The following DCC variants were observed in gnomAD, a reference collection of about 807,000 sequenced individuals.
DCC encodes the protein netrin receptor DCC.
In DCC, 58 loss-of-function variants were observed where a neutral mutation model predicts 172.5. The observed-to-expected ratio is 0.34, with a 90% CI of 0.27 to 0.42. The LOEUF is 0.42. DCC is among the 10% of genes least tolerant of loss of function. DCC has a pLI of 1.00. For synonymous variants in DCC, 709 were observed against 644.5 expected (o/e 1.10, Z -1.52); for missense variants, 1,740 against 1,791.0 (o/e 0.97, Z 0.51).
chr18:52,917,134 A>C (rs1409318417), intron 3 of DCC, among the ~76,000 whole-genome samples: 1 of 145,550 alleles, frequency 6.9e-6, no homozygotes. Flanking sequence ...AAAAAAAAGA[A>C]AACAAAAAAA....
In DCC at chr18:53,305,721, T is replaced by A; in HGVS notation, c.2053+2T>A. On this transcript the variant is annotated splice_donor_variant, in intron 13 of 28. Transcript: ENST00000442544. LOFTEE classifies it high-confidence loss of function. ...ACAACCTCTGGTACCTATTCACAGG[T>A]CAGTGTTCACATGGTGTAGTCTTGC... 1 of 1,613,888 alleles carries A rather than the reference T, an allele frequency of 6.2e-7. No individual in the cohort carries two copies.
chr18:52,736,895 A>C (rs1298732568), intron 1 of DCC, among the ~76,000 whole-genome samples: 1 of 152,086 alleles, frequency 6.6e-6, no homozygotes, highest in East Asian at 1.9e-4. Flanking sequence ...ATTATGGGGG[A>C]ACCCACATTT....
At chr18:53,312,879 AGGAAGGGAAAGGGAGGGGAGAGGAG>A (rs1282664060) in intron 13 of DCC, among the ~76,000 whole-genome samples, 88 of 116,868 alleles carry the variant, frequency 7.5e-4, no homozygotes, top group Non-Finnish European at 1.3e-3. Context: ...AAAGAGAGAG[AGGAAGGGAAAGGGAGGGGAGAGGAG>A]GGAAGGGAAA....
intron 27 of DCC, among the ~76,000 whole-genome samples, chr18:53,524,831 T>C (rs943220616): frequency 6.6e-6 from 1 of 152,052 alleles, no homozygotes; most frequent in Non-Finnish European, 1.5e-5. Flanking sequence ...GCAAAATTCT[T>C]ACACCGCCTG....
intron 1 of DCC, among the ~76,000 whole-genome samples, chr18:52,547,187 GCAGGCA>G (rs1272901867): frequency 6.6e-6 from 1 of 152,144 alleles, no homozygotes; most frequent in African/African-American, 2.4e-5. Context: ...ACATCCAATT[GCAGGCA>G]CAAACTGATA....
At chr18:52,829,064 AT>A (rs1377824103) in intron 2 of DCC, among the ~76,000 whole-genome samples, 3 of 152,226 alleles carry the variant, frequency 2.0e-5, no homozygotes, top group African/African-American at 7.2e-5. Flanking sequence ...GCTAGCTGTT[AT>A]GCTGTTAATT....
chr18:53,391,053 G>A (rs374899801), intron 16 of DCC, among the ~76,000 whole-genome samples: 2 of 152,152 alleles, frequency 1.3e-5, no homozygotes, highest in African/African-American at 4.8e-5. Context: ...CTCTGGTTTT[G>A]TGCAATCACA....
rs570397432 is a variant in DCC, at chr18:53,521,530, G to A, written c.4112-5087G>A. ...ACAAAAAAATTGTGATGAAGTACAT[G>A]TTATGGAATTATATACAGCAGTCTG... is the stretch of plus-strand genomic sequence containing the variant. On this transcript the variant is annotated intron_variant, in intron 27 of 28. Transcript: ENST00000442544. Among the ~76,000 whole-genome samples, 51 of 152,202 alleles carry A rather than the reference G, an allele frequency of 3.4e-4. No individual in the cohort carries two copies. In the South Asian group the frequency reaches 4.1e-3, roughly 12 times the overall value.
At chr18:53,360,678 T>C (rs1244411069) in intron 15 of DCC, among the ~76,000 whole-genome samples, 1 of 152,156 alleles carries the variant, frequency 6.6e-6, no homozygotes, top group Non-Finnish European at 1.5e-5. Flanking sequence ...AAAGCAGGCC[T>C]TTACACCCTT....
intron 1 of DCC, among the ~76,000 whole-genome samples, chr18:52,703,135 C>T (rs1428667294): frequency 6.6e-6 from 1 of 152,110 alleles, no homozygotes; most frequent in Non-Finnish European, 1.5e-5. Context: ...TGAAATGTTC[C>T]ATCAATTATT....
intron 2 of DCC, among the ~76,000 whole-genome samples, chr18:52,895,068 G>GAA (rs2039708440): frequency 6.6e-6 from 1 of 152,160 alleles, no homozygotes; most frequent in African/African-American, 2.4e-5. Context: ...GTGCATGGAA[G>GAA]AAGAACCTTG....
At chr18:52,847,121 C>G (rs753143125) in intron 2 of DCC, among the ~76,000 whole-genome samples, 1 of 152,138 alleles carries the variant, frequency 6.6e-6, no homozygotes, top group South Asian at 2.1e-4. Context: ...ATGTAAAATC[C>G]CTTCCTGTAA....
chr18:52,690,273 G>T (rs1325458405), intron 1 of DCC, among the ~76,000 whole-genome samples: 2 of 152,132 alleles, frequency 1.3e-5, no homozygotes, highest in Admixed American at 1.3e-4. Flanking sequence ...CTTGGCTTCT[G>T]CCCTTAAGGA....
intron 1 of DCC, among the ~76,000 whole-genome samples, chr18:52,451,617 G>T (rs1988307575): frequency 1.3e-5 from 2 of 152,234 alleles, no homozygotes; most frequent in African/African-American, 4.8e-5. Context: ...TTTTATTTAA[G>T]CTCTTTTGGT....
At chr18:53,446,029 A>C (rs2145139103) in intron 22 of DCC, among the ~76,000 whole-genome samples, 1 of 138,098 alleles carries the variant, frequency 7.2e-6, no homozygotes, top group South Asian at 2.4e-4. Flanking sequence ...TGGGAGGCTG[A>C]GGTAGGAGGG....
intron 1 of DCC, among the ~76,000 whole-genome samples, chr18:52,710,988 A>G (rs2145055004): frequency 6.6e-6 from 1 of 152,302 alleles, no homozygotes. Flanking sequence ...AGGAGATTTT[A>G]TGTGATAGGT....
chr18:53,183,514 G>A (rs775642410), intron 9 of DCC, among the ~76,000 whole-genome samples: 9 of 151,998 alleles, frequency 5.9e-5, no homozygotes, highest in Admixed American at 1.3e-4. Context: ...CTGTTAAGGC[G>A]GTTTAATCAT....
chr18:52,842,619 C>A (rs369500478), intron 2 of DCC, among the ~76,000 whole-genome samples: 1 of 152,128 alleles, frequency 6.6e-6, no homozygotes, highest in East Asian at 1.9e-4. Context: ...CATCACATGG[C>A]CTAGTTGAGC....
chr18:53,419,110 G>A (rs144888778), intron 21 of DCC, among the ~76,000 whole-genome samples: 2,010 of 152,156 alleles, frequency 0.013, 32 homozygotes, highest in Middle Eastern at 0.02. Context: ...TCTATGAAGC[G>A]GGTGCAGAGG....
Sources: allele counts gnomAD v4.1 joint callset (sites outside exome capture counted in the v4.1 genomes callset), GRCh38; gene constraint gnomAD v4.1.1; transcripts MANE v1.5; gene names NCBI Gene and HGNC (gene_info 2026-07-23, HGNC 2026-07-21).